The following RFX7 variants were observed in gnomAD, a reference collection of about 807,000 sequenced individuals.
RFX7 encodes the protein regulatory factor X7.
RFX7 carries 26 observed loss-of-function variants against 111.8 expected under a neutral mutation model. That is an observed-to-expected ratio of 0.23 (90% CI 0.17 to 0.32). RFX7 has a LOEUF of 0.32. RFX7 is among the 10% of genes least tolerant of loss of function. The probability of loss-of-function intolerance (pLI) is 1.00; values close to 1 mark genes in which losing one functional copy is unlikely to be tolerated. For synonymous variants in RFX7, 624 were observed against 624.4 expected, an observed-to-expected ratio of 1.00 and a Z score of 0.01; for missense variants, 1,573 against 1,772.9, an observed-to-expected ratio of 0.89 and a Z score of 2.02.
chr15:56,104,185 G>C (rs1335235384), intron 5 of RFX7, among the ~76,000 whole-genome samples: 2 of 152,108 alleles, frequency 1.3e-5, no homozygotes, highest in African/African-American at 4.8e-5. Context: ...AAGGGGAGAG[G>C]TTCCAAAGGT....
intron 2 of RFX7, among the ~76,000 whole-genome samples, chr15:56,211,830 T>G (rs778302059): frequency 6.6e-6 from 1 of 151,980 alleles, no homozygotes; most frequent in Admixed American, 6.6e-5. Flanking sequence ...AATGAGATAC[T>G]AAACATACCT....
At position 56,089,371 on chromosome 15, in the gene RFX7, A is replaced by C. The variant is rs1263896406; in HGVS notation, c.*3974T>G. On this transcript the variant is annotated 3_prime_UTR_variant, in exon 10 of 10. Transcript: ENST00000559447. ...AGCAAAGCTGAAGATGATGGAACAGAAACACAAACAGGATCTGGTGCCTGT... is the reference window on the plus strand; with the variant it reads ...AGCAAAGCTGAAGATGATGGAACAGCAACACAAACAGGATCTGGTGCCTGT... 6.6e-6 allele frequency: 1 copy of C among 152,618 alleles called. No individual in the cohort carries two copies. Among genetic ancestry groups the C allele is most frequent in the Non-Finnish European group, 1.5e-5 (1 of 68,038 alleles). 9.5% of individuals were successfully genotyped at this position (152,618 alleles called of 1,614,324 possible).
chr15:56,185,523 T>G (rs1264189347), intron 2 of RFX7, among the ~76,000 whole-genome samples: 7 of 152,176 alleles, frequency 4.6e-5, no homozygotes, highest in Non-Finnish European at 1.0e-4. Context: ...TTAATTTCTC[T>G]TTGGAAGTGT....
At chr15:56,171,566 AAAAAC>A (rs1555423323) in intron 3 of RFX7, among the ~76,000 whole-genome samples, 1 of 151,992 alleles carries the variant, frequency 6.6e-6, no homozygotes, top group East Asian at 1.9e-4. Context: ...TCTCCAGAAA[AAAAAC>A]AAAACAAAAC....
At chr15:56,109,586 C>T (rs2140930806) in intron 5 of RFX7, among the ~76,000 whole-genome samples, 1 of 151,864 alleles carries the variant, frequency 6.6e-6, no homozygotes, top group Middle Eastern at 3.4e-3. Flanking sequence ...GCCGCCATCC[C>T]ATCTAGGAAG....
chr15:56,141,656 A>ATATATATATATATATATATATATATAT (rs1555421058), intron 5 of RFX7, among the ~76,000 whole-genome samples: 1 of 83,208 alleles, frequency 1.2e-5, no homozygotes, highest in African/African-American at 6.6e-5. Flanking sequence ...GCTTACTCTA[A>ATATATATATATATATATATATATATAT]ATATATATAT....
Position 56,093,616 on chromosome 15 carries a change from G to A in RFX7, c.4112C>T (p.Ser1371Phe), listed in dbSNP as rs1432221393. 6.2e-7 allele frequency: 1 copy of A among 1,613,828 alleles called. No homozygotes were observed. Among genetic ancestry groups the A allele is most frequent in the Non-Finnish European group, 8.5e-7 (1 of 1,179,824 alleles). Residue 1371 changes from serine to phenylalanine, a missense_variant, in exon 10 of 10, where the codon TCT (serine) becomes TTT (phenylalanine). Ser to Phe is a radical substitution (Grantham distance 155, BLOSUM62 -2). Transcript: ENST00000559447. Reference protein sequence around the residue: ...TNQQLVGQGASDLTNTASDFS... With the variant: ...TNQQLVGQGAFDLTNTASDFS... ...ATCAGATGCAGTATTAGTGAGATCAGATGCTCCCTGACCTACCAGCTGCTG... is the reference window on the plus strand; with the variant it reads ...ATCAGATGCAGTATTAGTGAGATCAAATGCTCCCTGACCTACCAGCTGCTG...
At chr15:56,101,876 A>G (rs182976480) in intron 7 of RFX7, among the ~76,000 whole-genome samples, 40 of 152,332 alleles carry the variant, frequency 2.6e-4, no homozygotes, top group Non-Finnish European at 3.7e-4. Flanking sequence ...TAAAATTCCT[A>G]TAAAACATAT....
intron 3 of RFX7, among the ~76,000 whole-genome samples, chr15:56,174,406 G>C (rs1250973352): frequency 2.0e-5 from 3 of 152,094 alleles, no homozygotes; most frequent in African/African-American, 7.2e-5. Flanking sequence ...AGTGATAATA[G>C]AGAAACAAAC....
At chr15:56,109,537 T>C (rs1163107483) in intron 5 of RFX7, among the ~76,000 whole-genome samples, 1 of 146,876 alleles carries the variant, frequency 6.8e-6, no homozygotes, top group Non-Finnish European at 1.5e-5. Context: ...CCCCTCTGCC[T>C]GGCTGCCCAG....
At chr15:56,132,129 T>A (rs2042226226) in intron 5 of RFX7, among the ~76,000 whole-genome samples, 1 of 152,080 alleles carries the variant, frequency 6.6e-6, no homozygotes, top group Non-Finnish European at 1.5e-5. Context: ...AGAAACATAT[T>A]TCTAGTCTGT....
chr15:56,099,349 T>G (rs140363356), intron 8 of RFX7, among the ~76,000 whole-genome samples: 28 of 152,230 alleles, frequency 1.8e-4, no homozygotes, highest in Admixed American at 5.9e-4. Flanking sequence ...TATAACTCTC[T>G]CCCCATACTC....
intron 5 of RFX7, among the ~76,000 whole-genome samples, chr15:56,104,905 G>C (rs2041809994): frequency 6.6e-6 from 1 of 152,168 alleles, no homozygotes; most frequent in African/African-American, 2.4e-5. Context: ...GGTAGTATTA[G>C]CAGCTTCATA....
Position 56,094,237 on chromosome 15 carries a change from C to G in RFX7, c.3491G>C (p.Cys1164Ser). The G allele has an allele frequency of 6.2e-7, 1 of 1,613,984 alleles. No homozygotes were observed. The highest frequency in any genetic ancestry group is 1.1e-5 in the South Asian group (1 of 91,080). The change falls in exon 10 of 10, where the codon TGC (cysteine) becomes TCC (serine). Residue 1164 changes from cysteine to serine, a missense_variant. Transcript: ENST00000559447. ...TNSSASSNFR[C>S]RSVSPAVHRQ... ...ATGAACAGCAGGGCTCACACTCCGG[C>G]ATCTGAAGTTGCTGCTGGCAGATGA...
chr15:56,227,722 T>C (rs1163647692), intron 2 of RFX7, among the ~76,000 whole-genome samples: 1 of 152,182 alleles, frequency 6.6e-6, no homozygotes. Context: ...GAATACAGTG[T>C]TATTATTTTG....
intron 2 of RFX7, among the ~76,000 whole-genome samples, chr15:56,208,432 C>G (rs977524063): frequency 6.6e-6 from 1 of 152,114 alleles, no homozygotes; most frequent in Admixed American, 6.6e-5. Context: ...GAATGCTCCC[C>G]CACATACCTT....
chr15:56,107,325 A>T (rs1296646340), intron 5 of RFX7, among the ~76,000 whole-genome samples: 1 of 147,214 alleles, frequency 6.8e-6, no homozygotes, highest in East Asian at 2.0e-4. Context: ...AAAAAAAAGA[A>T]GAAAGAATTG....
At chr15:56,114,583 C>G (rs2041983461) in intron 5 of RFX7, among the ~76,000 whole-genome samples, 1 of 151,970 alleles carries the variant, frequency 6.6e-6, no homozygotes, top group Admixed American at 6.6e-5. Context: ...TAGGATCATA[C>G]TAATATATCA....
At chr15:56,113,433 A>G (rs1204642113) in intron 5 of RFX7, among the ~76,000 whole-genome samples, 2 of 152,204 alleles carry the variant, frequency 1.3e-5, no homozygotes, top group South Asian at 2.1e-4. Context: ...CTTACTCGTA[A>G]GTGGGAGCTG....
Sources: allele counts gnomAD v4.1 joint callset (sites outside exome capture counted in the v4.1 genomes callset), GRCh38; gene constraint gnomAD v4.1.1; transcripts MANE v1.5; gene names NCBI Gene and HGNC (gene_info 2026-07-23, HGNC 2026-07-21).